Variants in SYN3 observed in about 807,000 individuals in gnomAD.
SYN3 encodes synapsin-3.
SYN3 carries 35 observed loss-of-function variants against 65.8 expected under a neutral mutation model. The ratio of observed to expected loss-of-function variants is 0.53; its 90% CI spans 0.41 to 0.70. The LOEUF (loss-of-function observed/expected upper bound fraction) is 0.70. Among genes scored for constraint, SYN3 ranks in the 30% least tolerant of loss-of-function variants. The probability of loss-of-function intolerance (pLI) is 0.00; values close to 1 mark genes in which losing one functional copy is unlikely to be tolerated. For missense variants in SYN3, 680 were observed against 749.0 expected (o/e 0.91, Z 1.08); for synonymous variants, 270 against 292.9 (o/e 0.92, Z 0.80).
intron 9 of SYN3, among the ~76,000 whole-genome samples, chr22:32,536,719 G>A (rs2058171854): frequency 6.6e-6 from 1 of 152,192 alleles, no homozygotes; most frequent in African/African-American, 2.4e-5. Context: ...GACACTGTGA[G>A]GATGAAAGCC....
intron 1 of SYN3, among the ~76,000 whole-genome samples, chr22:33,022,916 T>C (rs1318177550): frequency 6.6e-6 from 1 of 152,210 alleles, no homozygotes; most frequent in Non-Finnish European, 1.5e-5. Flanking sequence ...CCAAAAAATA[T>C]TCACAGGATT....
chr22:32,556,725 T>C (rs2058501928), intron 7 of SYN3, among the ~76,000 whole-genome samples: 1 of 149,516 alleles, frequency 6.7e-6, no homozygotes, highest in Non-Finnish European at 1.5e-5. Context: ...GAGAAACCTA[T>C]GGGGTGGGCT....
In SYN3 at chr22:32,610,720, T is replaced by C. The variant is rs551840629; in HGVS notation, c.712-13984A>G. 7.4e-4 allele frequency among the ~76,000 whole-genome samples: 112 copies of C among 152,198 alleles called. 4 individuals carry two copies. Among genetic ancestry groups the C allele is most frequent in the Non-Finnish European group, 2.1e-4 (14 of 68,034 alleles). ...GCCTCAGCCTCCCAAGTAGGTGGGA[T>C]TACAGGCGCATGCCACCACGCCTGG... On this transcript the variant is annotated intron_variant, in intron 6 of 13. Coordinates refer to ENST00000358763, the MANE Select transcript of SYN3 (RefSeq NM_003490.4).
intron 4 of SYN3, among the ~76,000 whole-genome samples, chr22:32,927,458 C>T (rs1407775574): frequency 6.6e-6 from 1 of 151,832 alleles, no homozygotes; most frequent in Non-Finnish European, 1.5e-5. Context: ...CCATGTTGCC[C>T]AGGCTGGTCT....
chr22:32,604,385 C>T (rs2146640171), intron 6 of SYN3, among the ~76,000 whole-genome samples: 1 of 152,256 alleles, frequency 6.6e-6, no homozygotes, highest in South Asian at 2.1e-4. Context: ...CCCTAACTCC[C>T]AGTTACAGCC....
intron 1 of SYN3, among the ~76,000 whole-genome samples, chr22:33,007,508 C>G (rs1255553870): frequency 1.3e-5 from 2 of 152,064 alleles, no homozygotes; most frequent in Admixed American, 1.3e-4. Context: ...GGAAATGAGC[C>G]CTTTGGGAGG....
At chr22:32,531,815 A>G (rs1292912855) in intron 10 of SYN3, among the ~76,000 whole-genome samples, 1 of 151,952 alleles carries the variant, frequency 6.6e-6, no homozygotes, top group Non-Finnish European at 1.5e-5. Context: ...GGAAAAAAAA[A>G]ATCTGAAAAG....
chr22:33,039,206 G>A (rs2053915922), intron 1 of SYN3, among the ~76,000 whole-genome samples: 1 of 152,092 alleles, frequency 6.6e-6, no homozygotes. Context: ...GCATGTCTAA[G>A]GTCACCCGGG....
At chr22:32,915,111 G>A (rs927017965) in intron 4 of SYN3, among the ~76,000 whole-genome samples, 1 of 152,138 alleles carries the variant, frequency 6.6e-6, no homozygotes, top group African/African-American at 2.4e-5. Flanking sequence ...ATCACACGCT[G>A]AGGCCTGCTG....
intron 6 of SYN3, among the ~76,000 whole-genome samples, chr22:32,841,731 C>T (rs533138717): frequency 3.3e-5 from 5 of 151,984 alleles, no homozygotes; most frequent in African/African-American, 9.6e-5. Flanking sequence ...AGCTAATGCA[C>T]ACTCGGCTTA....
chr22:32,653,723 G>A (rs997894832), intron 6 of SYN3, among the ~76,000 whole-genome samples: 2 of 152,104 alleles, frequency 1.3e-5, no homozygotes, highest in African/African-American at 4.8e-5. Flanking sequence ...AGGAAGACTC[G>A]GGTCCAAATT....
intron 6 of SYN3, among the ~76,000 whole-genome samples, chr22:32,711,020 T>C (rs1039018916): frequency 7.2e-5 from 11 of 152,142 alleles, no homozygotes; most frequent in Admixed American, 7.2e-4. Flanking sequence ...ACTCTTCTTC[T>C]CCTTCCACAT....
At chr22:32,819,572 G>A (rs1295311401) in intron 6 of SYN3, among the ~76,000 whole-genome samples, 3 of 152,076 alleles carry the variant, frequency 2.0e-5, no homozygotes, top group Non-Finnish European at 4.4e-5. Context: ...CCAGGTGCTG[G>A]GCAGAGTGCT....
At chr22:33,045,472 T>TC (rs1437022018) in intron 1 of SYN3, among the ~76,000 whole-genome samples, 1 of 137,912 alleles carries the variant, frequency 7.3e-6, no homozygotes, top group East Asian at 2.1e-4. Context: ...TTTTTTTTTT[T>TC]TTTTTTTTTT....
At chr22:32,569,552 TCTCTCTCTCTCTCTC>T (rs2058726709) in intron 7 of SYN3, among the ~76,000 whole-genome samples, 2 of 64,860 alleles carry the variant, frequency 3.1e-5, no homozygotes, top group Non-Finnish European at 5.5e-5. Context: ...TCTCTCTCTC[TCTCTCTCTCTCTCTC>T]TCTCTATATA....
chr22:32,813,570 T>G (rs866103302), intron 6 of SYN3, among the ~76,000 whole-genome samples: 5 of 150,682 alleles, frequency 3.3e-5, no homozygotes, highest in Middle Eastern at 3.2e-3. Context: ...TGGGCCAGAT[T>G]CAGCCTTGTG....
At chr22:32,871,808 T>G (rs1464177072) in intron 4 of SYN3, among the ~76,000 whole-genome samples, 1 of 152,028 alleles carries the variant, frequency 6.6e-6, no homozygotes, top group Non-Finnish European at 1.5e-5. Flanking sequence ...TTTTTTATTT[T>G]TTGTAGAGAT....
At position 32,980,933 on chromosome 22, in the gene SYN3, C is replaced by T. The variant is rs542727203; in HGVS notation, c.312-231G>A. Among the ~76,000 whole-genome samples the T allele has an allele frequency of 3.3e-5, 5 of 151,960 alleles. No homozygotes were observed. The South Asian group carries it at 6.3e-4, about 19-fold the overall frequency. ...GCAATGGCCTAGTCTCGGCTCACTA[C>T]AACCTCTGCCTCCCAGGTTCAAGCG... On this transcript the variant is annotated intron_variant, in intron 2 of 13. Coordinates refer to ENST00000358763, the MANE Select transcript of SYN3 (RefSeq NM_003490.4).
At chr22:32,734,502 G>GAGGC (rs1190443904) in intron 6 of SYN3, among the ~76,000 whole-genome samples, 2 of 113,176 alleles carry the variant, frequency 1.8e-5, no homozygotes, top group Admixed American at 8.2e-5. Context: ...GAGCAGAGAA[G>GAGGC]AGGCAGGCAG....
Sources: allele counts gnomAD v4.1 joint callset (sites outside exome capture counted in the v4.1 genomes callset), GRCh38; gene constraint gnomAD v4.1.1; transcripts MANE v1.5; gene names NCBI Gene and HGNC (gene_info 2026-07-23, HGNC 2026-07-21).